Variants in SCN8A observed in about 807,000 individuals in gnomAD.
SCN8A encodes the protein sodium channel protein type 8 subunit alpha.
A neutral mutation model predicts 184.1 loss-of-function variants in SCN8A; 30 were observed. The observed-to-expected ratio is 0.16, with a 90% CI of 0.12 to 0.22. The LOEUF is 0.22. Ranked by LOEUF, SCN8A falls within the 10% of genes least tolerant of loss-of-function variation. The pLI is 1.00. For missense variants in SCN8A, 1,057 were observed against 2,498.9 expected, an observed-to-expected ratio of 0.42 and a Z score of 12.30; for synonymous variants, 852 against 907.0, an observed-to-expected ratio of 0.94 and a Z score of 1.09.
chr12:51,772,685 G>A (rs565635380), intron 19 of SCN8A, among the ~76,000 whole-genome samples: 19 of 151,772 alleles, frequency 1.3e-4, no homozygotes, highest in Admixed American at 1.0e-3. Flanking sequence ...CCCACTGCCT[G>A]TTGATGAAAG....
chr12:51,789,585 T>C (rs1938185631), intron 24 of SCN8A, among the ~76,000 whole-genome samples, 167 bp downstream of exon 24: 1 of 152,184 alleles, frequency 6.6e-6, no homozygotes, highest in Admixed American at 6.5e-5. Flanking sequence ...ACTCTTTCTG[T>C]TCGGGGCTGG....
intron 11 of SCN8A, among the ~76,000 whole-genome samples, chr12:51,720,508 G>A (rs920879378): frequency 6.6e-6 from 1 of 151,118 alleles, no homozygotes; most frequent in African/African-American, 2.4e-5. Flanking sequence ...TAATGTAAAT[G>A]ATGAGTTAAT....
intron 1 of SCN8A, among the ~76,000 whole-genome samples, chr12:51,639,185 C>T (rs1043057383): frequency 6.6e-6 from 1 of 152,008 alleles, no homozygotes; most frequent in African/African-American, 2.4e-5. Context: ...CACCTTGTTG[C>T]CCAGGCTGGT....
chr12:51,793,426 A>G (rs1238234294), intron 25 of SCN8A, among the ~76,000 whole-genome samples: 1 of 152,106 alleles, frequency 6.6e-6, no homozygotes, highest in Non-Finnish European at 1.5e-5. Context: ...TAAGTTTGAG[A>G]TGCTTATGAG....
At chr12:51,639,724 T>A (rs1940400666) in intron 1 of SCN8A, among the ~76,000 whole-genome samples, 2 of 151,928 alleles carry the variant, frequency 1.3e-5, no homozygotes, top group South Asian at 4.1e-4. Flanking sequence ...GCCATCCCAT[T>A]CTTCGGCAAC....
At chr12:51,653,926 T>G (rs1379383630) in intron 1 of SCN8A, among the ~76,000 whole-genome samples, 6 of 152,248 alleles carry the variant, frequency 3.9e-5, no homozygotes, top group Non-Finnish European at 5.9e-5. Flanking sequence ...AATTGTGATT[T>G]TGATTCATAT....
At chr12:51,789,483 T>C in intron 24 of SCN8A, 65 bp downstream of exon 24, 1 of 1,512,352 alleles carries the variant, frequency 6.6e-7, no homozygotes, top group Non-Finnish European at 9.0e-7. Context: ...CCTTTGTCCC[T>C]ATCTCTAGAA....
intron 1 of SCN8A, among the ~76,000 whole-genome samples, chr12:51,651,023 T>A (rs1179486839): frequency 6.6e-6 from 1 of 152,262 alleles, no homozygotes; most frequent in Non-Finnish European, 1.5e-5. Flanking sequence ...GCTAGTTAAC[T>A]GCAGCAGCAG....
At chr12:51,637,659 T>C (rs562491447) in intron 1 of SCN8A, among the ~76,000 whole-genome samples, 1 of 152,184 alleles carries the variant, frequency 6.6e-6, no homozygotes, top group South Asian at 2.1e-4. Context: ...AGGAGAAAAA[T>C]TGGAAGCTAG....
chr12:51,601,404 C>G (rs546880241), intron 1 of SCN8A, among the ~76,000 whole-genome samples: 1 of 150,246 alleles, frequency 6.7e-6, no homozygotes, highest in South Asian at 2.1e-4. Flanking sequence ...AAACAAAGTA[C>G]AGTGATCATA....
At chr12:51,686,284 C>G in intron 3 of SCN8A, 84 bp from the exon 4 acceptor site, 1 of 800,608 alleles carries the variant, frequency 1.2e-6, no homozygotes, top group East Asian at 2.6e-5. Context: ...TGATTTAGAT[C>G]TGATACCCAA....
intron 25 of SCN8A, among the ~76,000 whole-genome samples, chr12:51,793,686 G>T (rs1938329102): frequency 1.3e-5 from 2 of 152,136 alleles, no homozygotes; most frequent in African/African-American, 4.8e-5. Context: ...AAAGAGAAGT[G>T]GGTCAGCTGG....
Position 51,664,154 on chromosome 12 carries a change from C to T in SCN8A, c.276+1061C>T, listed in dbSNP as rs539767005. On this transcript the variant is annotated intron_variant, in intron 2 of 26. Transcript: ENST00000627620. ...GAACAAAATGATATGATGTAAAGAA[C>T]GGTAGATTGGAAGTAAGAAATCCTG... Among the ~76,000 whole-genome samples, 13 of 151,520 alleles carry T rather than the reference C, an allele frequency of 8.6e-5. No individual in the cohort carries two copies. The South Asian group carries it at 2.7e-3, about 32-fold the overall frequency.
intron 11 of SCN8A, among the ~76,000 whole-genome samples, chr12:51,707,770 C>G (rs1941808457): frequency 6.6e-6 from 1 of 152,212 alleles, no homozygotes; most frequent in Non-Finnish European, 1.5e-5. Flanking sequence ...TCTCCAAACT[C>G]ATTGTACTAA....
chr12:51,743,817 A>T (rs977177910), intron 12 of SCN8A, among the ~76,000 whole-genome samples: 3 of 152,160 alleles, frequency 2.0e-5, no homozygotes, highest in Admixed American at 2.0e-4. Context: ...GAAGCCAGGG[A>T]TTGGAGCAAA....
In SCN8A at chr12:51,662,916, G is replaced by A; in HGVS notation, c.99G>A (p.Lys33=). ...ANIERRIAES[K]LKKPPKADGS... ...TTGAGAGGCGCATTGCTGAGAGCAAGCTCAAGAAACCACCAAAGGCCGATG... is the reference window on the plus strand; with the variant it reads ...TTGAGAGGCGCATTGCTGAGAGCAAACTCAAGAAACCACCAAAGGCCGATG... The change falls in exon 2 of 27, where the codon AAG becomes AAA. Residue 33 remains lysine (K), a synonymous_variant. Coordinates refer to ENST00000627620, the MANE Select transcript of SCN8A (RefSeq NM_001330260.2). 6.2e-7 allele frequency: 1 copy of A among 1,614,060 alleles called. No homozygotes were observed.
chr12:51,656,183 A>G (rs1940818191), intron 1 of SCN8A, among the ~76,000 whole-genome samples: 1 of 152,188 alleles, frequency 6.6e-6, no homozygotes. Flanking sequence ...GGAAATGAAA[A>G]TATTTTTAGG....
chr12:51,616,535 C>T (rs1012334216), intron 1 of SCN8A, among the ~76,000 whole-genome samples: 3 of 151,898 alleles, frequency 2.0e-5, no homozygotes, highest in Non-Finnish European at 4.4e-5. Context: ...TCATTTGAAC[C>T]CGGGAGGCGG....
At chr12:51,648,720 C>T (rs771322829) in intron 1 of SCN8A, among the ~76,000 whole-genome samples, 14 of 152,284 alleles carry the variant, frequency 9.2e-5, no homozygotes, top group Non-Finnish European at 1.8e-4. Context: ...TATCTCCCAC[C>T]AGGTCCCTCC....
Sources: allele counts gnomAD v4.1 joint callset (sites outside exome capture counted in the v4.1 genomes callset), GRCh38; gene constraint gnomAD v4.1.1; transcripts MANE v1.5; gene names NCBI Gene and HGNC (gene_info 2026-07-23, HGNC 2026-07-21).